Variants in AUTS2 observed in about 807,000 individuals in gnomAD.
The protein encoded by AUTS2 is autism susceptibility gene 2 protein.
In AUTS2, 17 loss-of-function variants were observed where a neutral mutation model predicts 112.4. The ratio of observed to expected loss-of-function variants is 0.15; its 90% CI spans 0.10 to 0.23. AUTS2 has a LOEUF of 0.23. AUTS2 is among the 10% of genes least tolerant of loss of function. The pLI is 1.00. For synonymous variants in AUTS2, 751 were observed against 702.7 expected (o/e 1.07, Z -1.09); for missense variants, 1,510 against 1,701.6 (o/e 0.89, Z 1.98).
intron 5 of AUTS2, chr7:70,437,932 C>T (rs952826984): frequency 6.6e-6 from 1 of 151,922 alleles, no homozygotes; most frequent in Non-Finnish European, 1.5e-5. Context: ...GTTTTGTGTT[C>T]CTTGTAAATG....
chr7:70,505,935 G>T (rs1798942002), intron 5 of AUTS2, among the ~76,000 whole-genome samples: 1 of 152,200 alleles, frequency 6.6e-6, no homozygotes, highest in African/African-American at 2.4e-5. Flanking sequence ...CTCCTTATCA[G>T]GTTAATTACC....
chr7:70,790,006 C>T lies in AUTS2; in HGVS notation c.2790C>T (p.Gly930=), dbSNP rs773305625. The T allele has an allele frequency of 1.3e-5, 21 of 1,597,316 alleles. No individual in the cohort carries two copies. In the South Asian group the frequency reaches 1.8e-4, roughly 14 times the overall value. The change falls in exon 19 of 19, where the codon GGC becomes GGT. Residue 930 remains glycine, a synonymous_variant. Transcript: ENST00000342771. This position sits in a 1 kb window ranked among gnomAD's most constrained non-coding sequence, Gnocchi z 7.6. ...DGHGHEGRAA[G]EEAKQLARVP... ...ACGGCCACGAGGGGCGCGCCGCGGG[C>T]GAAGAGGCCAAGCAGCTGGCCCGGG...
At chr7:70,760,151 A>T (rs577704042) in intron 6 of AUTS2, among the ~76,000 whole-genome samples, 1 of 151,598 alleles carries the variant, frequency 6.6e-6, no homozygotes, top group African/African-American at 2.4e-5. Flanking sequence ...GACTACAGGC[A>T]CCCGCCACCA....
intron 1 of AUTS2, among the ~76,000 whole-genome samples, chr7:69,638,349 A>T (rs6460523): frequency 2.0e-5 from 3 of 151,996 alleles, no homozygotes; most frequent in South Asian, 2.1e-4. Context: ...ATAGAAGTTC[A>T]GAAAGATGAA....
At chr7:70,767,987 G>A in intron 9 of AUTS2, 37 bp from the exon 10 acceptor site, 1 of 1,607,212 alleles carries the variant, frequency 6.2e-7, no homozygotes, top group African/African-American at 1.3e-5. Flanking sequence ...CAAAAATGCA[G>A]ATTAAGTAAC....
intron 5 of AUTS2, among the ~76,000 whole-genome samples, chr7:70,695,272 G>T (rs980300301): frequency 6.6e-6 from 1 of 152,146 alleles, no homozygotes; most frequent in South Asian, 2.1e-4. Flanking sequence ...TCCCTCGGCC[G>T]GCCGGGCTCG....
At chr7:70,085,399 T>C (rs1266921924) in intron 2 of AUTS2, among the ~76,000 whole-genome samples, 2 of 151,606 alleles carry the variant, frequency 1.3e-5, no homozygotes, top group Non-Finnish European at 2.9e-5. Context: ...GGAGTCTCGC[T>C]CTGTTGCGCA....
chr7:70,050,355 C>CAAAA (rs60714093), intron 2 of AUTS2, among the ~76,000 whole-genome samples: 9,314 of 72,674 alleles, frequency 0.13, 948 homozygotes, highest in Middle Eastern at 0.25. Flanking sequence ...GACTCTGTCT[C>CAAAA]AAAAAAAAAA....
At chr7:70,785,671 G>T (rs536233708) in intron 16 of AUTS2, among the ~76,000 whole-genome samples, 1 of 152,332 alleles carries the variant, frequency 6.6e-6, no homozygotes, top group Admixed American at 6.5e-5. Flanking sequence ...GGGCGGGAAG[G>T]CAAGTTAGTA....
chr7:70,231,689 C>T (rs745475789), intron 4 of AUTS2, among the ~76,000 whole-genome samples: 15 of 151,932 alleles, frequency 9.9e-5, no homozygotes, highest in African/African-American at 2.9e-4. Flanking sequence ...GTGATCTGCC[C>T]GCCTCAGCGT....
intron 4 of AUTS2, among the ~76,000 whole-genome samples, chr7:70,135,713 T>C (rs191387393): frequency 6.6e-6 from 1 of 152,268 alleles, no homozygotes; most frequent in Non-Finnish European, 1.5e-5. Context: ...TTGGACCTGC[T>C]TAATACAGTT....
chr7:70,598,290 C>G (rs1178413246), intron 5 of AUTS2, among the ~76,000 whole-genome samples: 1 of 152,130 alleles, frequency 6.6e-6, no homozygotes, highest in Non-Finnish European at 1.5e-5. Flanking sequence ...CTTCCAGAAC[C>G]ACGGTTTCTC....
intron 5 of AUTS2, among the ~76,000 whole-genome samples, chr7:70,652,524 C>A (rs1806558986): frequency 6.6e-6 from 1 of 152,176 alleles, no homozygotes; most frequent in Non-Finnish European, 1.5e-5. Flanking sequence ...AAAGACTACA[C>A]TGAGAGAGAC....
chr7:70,458,933 GTGCAGCTGCCTGTCGCTCCC>G (rs1355333695), intron 5 of AUTS2, among the ~76,000 whole-genome samples: 1 of 152,234 alleles, frequency 6.6e-6, no homozygotes, highest in East Asian at 1.9e-4. Context: ...GCCATGGACA[GTGCAGCTGCCTGTCGCTCCC>G]TGCAACTTAC....
At chr7:69,726,493 T>C (rs905748508) in intron 1 of AUTS2, among the ~76,000 whole-genome samples, 1 of 151,676 alleles carries the variant, frequency 6.6e-6, no homozygotes, top group African/African-American at 2.4e-5. Flanking sequence ...AAAGCTGTAA[T>C]GATCAGTCTT....
At chr7:69,896,933 A>C (rs1233620586) in intron 1 of AUTS2, among the ~76,000 whole-genome samples, 1 of 152,132 alleles carries the variant, frequency 6.6e-6, no homozygotes, top group African/African-American at 2.4e-5. Flanking sequence ...TAGTTTTAGC[A>C]CCCATAACCT....
In AUTS2 at chr7:70,310,600, G is replaced by A. The variant is rs568708024; in HGVS notation, c.661-125152G>A. On this transcript the variant is annotated intron_variant, in intron 4 of 18. Transcript: ENST00000342771. The stretch of plus-strand genomic sequence containing the variant: ...TGCACTCCAGCCTGGGCGACTGAGC[G>A]AGACTCTGTCTTAAAAAAAAAAAAA... Among the ~76,000 whole-genome samples the A allele has an allele frequency of 1.6e-3, 240 of 147,886 alleles. 1 individual carries two copies. The highest frequency in any genetic ancestry group is 4.7e-3 in the African/African-American group (184 of 39,412).
At chr7:70,620,593 A>C (rs576081730) in intron 5 of AUTS2, among the ~76,000 whole-genome samples, 54 of 152,106 alleles carry the variant, frequency 3.6e-4, no homozygotes, top group African/African-American at 1.3e-3. Context: ...AATTGTCCTG[A>C]ACCTTGACCC....
At chr7:70,286,905 C>A (rs1443885195) in intron 4 of AUTS2, among the ~76,000 whole-genome samples, 1 of 152,120 alleles carries the variant, frequency 6.6e-6, no homozygotes, top group Non-Finnish European at 1.5e-5. Flanking sequence ...TAAGATTTTG[C>A]TGAACGGAAC....
Sources: allele counts gnomAD v4.1 joint callset (sites outside exome capture counted in the v4.1 genomes callset), GRCh38; gene constraint gnomAD v4.1.1; non-coding constraint Gnocchi (gnomAD v3.1); transcripts MANE v1.5; gene names NCBI Gene and HGNC (gene_info 2026-07-23, HGNC 2026-07-21).